The following HDAC9 variants were observed in gnomAD, a reference collection of about 807,000 sequenced individuals.
HDAC9 encodes histone deacetylase 9, also known as MEF-2 interacting transcription repressor (MITR) protein.
In HDAC9, 41 loss-of-function variants were observed where a neutral mutation model predicts 139.4. The ratio of observed to expected loss-of-function variants is 0.29; its 90% CI spans 0.23 to 0.38. HDAC9 has a LOEUF of 0.38. HDAC9 is among the 10% of genes least tolerant of loss of function. The pLI is 1.00. For missense variants in HDAC9, 1,147 were observed against 1,297.0 expected (o/e 0.88, Z 1.78); for synonymous variants, 517 against 476.2 (o/e 1.09, Z -1.12).
chr7:18,431,137 C>G (rs2128762574), intron 1 of HDAC9, among the ~76,000 whole-genome samples: 1 of 152,178 alleles, frequency 6.6e-6, no homozygotes, highest in Middle Eastern at 3.4e-3. Context: ...TGTGATGCAC[C>G]TACTGTTCCA....
chr7:18,451,453 G>GTA (rs1008433370), intron 1 of HDAC9, among the ~76,000 whole-genome samples: 15 of 148,236 alleles, frequency 1.0e-4, no homozygotes, highest in African/African-American at 2.8e-4. Context: ...GTGTGTATAT[G>GTA]TATATATATA....
At chr7:18,306,865 C>A (rs939463765) in intron 1 of HDAC9, among the ~76,000 whole-genome samples, 2 of 152,110 alleles carry the variant, frequency 1.3e-5, no homozygotes, top group African/African-American at 4.8e-5. Flanking sequence ...AAACACCCCC[C>A]ACTTACTTAA....
intron 15 of HDAC9, among the ~76,000 whole-genome samples, chr7:18,765,374 C>G (rs113575109): frequency 0.023 from 3,502 of 152,150 alleles, 144 homozygotes; most frequent in African/African-American, 0.08. Context: ...GTATTCCCAG[C>G]ACTTTGGGAG....
chr7:18,645,391 A>C (rs888543900), intron 9 of HDAC9, among the ~76,000 whole-genome samples: 12 of 152,174 alleles, frequency 7.9e-5, no homozygotes, highest in African/African-American at 2.7e-4. Flanking sequence ...AATTAGTTTA[A>C]AAGTCCTGAC....
At chr7:18,687,970 AAGGAGTG>A in intron 12 of HDAC9, among the ~76,000 whole-genome samples, 1 of 151,906 alleles carries the variant, frequency 6.6e-6, no homozygotes, top group South Asian at 2.1e-4. Flanking sequence ...GTAATGTGTG[AAGGAGTG>A]AGGTAGCTAT....
intron 1 of HDAC9, among the ~76,000 whole-genome samples, chr7:18,475,687 A>G (rs1229382514): frequency 6.6e-6 from 1 of 152,186 alleles, no homozygotes; most frequent in Non-Finnish European, 1.5e-5. Context: ...AAAACAGCTA[A>G]TTGCCTTAGT....
intron 3 of HDAC9, among the ~76,000 whole-genome samples, chr7:18,588,920 A>G (rs1256678860): frequency 1.3e-5 from 2 of 152,044 alleles, no homozygotes; most frequent in African/African-American, 4.8e-5. Flanking sequence ...AGCATTTAGG[A>G]TTTTGGATTT....
At chr7:18,668,507 A>G in intron 12 of HDAC9, 4 of 979,618 alleles carry the variant, frequency 4.1e-6, no homozygotes, top group South Asian at 4.7e-5. Context: ...GTATAATATT[A>G]CTTCAAAGAT....
At chr7:18,506,035 ATTAT>A (rs1799679520) in intron 2 of HDAC9, 1 of 152,192 alleles carries the variant, frequency 6.6e-6, no homozygotes, top group Non-Finnish European at 1.5e-5. Context: ...CACTGGAATG[ATTAT>A]TTATAGAAAG....
intron 1 of HDAC9, among the ~76,000 whole-genome samples, chr7:18,324,765 C>T (rs1800306952): frequency 2.0e-5 from 3 of 152,130 alleles, no homozygotes; most frequent in Admixed American, 1.3e-4. Flanking sequence ...CAAGAAATAG[C>T]TCTTGCCTTT....
At chr7:18,772,823 T>C (rs934802042) in intron 16 of HDAC9, among the ~76,000 whole-genome samples, 1 of 152,090 alleles carries the variant, frequency 6.6e-6, no homozygotes, top group Non-Finnish European at 1.5e-5. Flanking sequence ...CTGCAAATTC[T>C]GTAAAAAGAT....
chr7:18,126,381 T>TC (rs937904978), intron 1 of HDAC9, among the ~76,000 whole-genome samples: 2 of 152,166 alleles, frequency 1.3e-5, no homozygotes, highest in African/African-American at 4.8e-5. Context: ...TTTTTCTGAG[T>TC]CAGACAGGCA....
At chr7:18,119,811 C>T (rs759534295) in intron 1 of HDAC9, among the ~76,000 whole-genome samples, 4 of 152,126 alleles carry the variant, frequency 2.6e-5, no homozygotes, top group Non-Finnish European at 2.9e-5. Flanking sequence ...TAACTTTCTC[C>T]GTGAGTCAAA....
rs1291632888 is a variant in HDAC9, at chr7:19,001,328, TA to T, written c.*5267del. On this transcript the variant is annotated 3_prime_UTR_variant, in exon 26 of 26. Transcript: ENST00000686413. The stretch of plus-strand genomic sequence containing the variant: ...TTTTTAAAGCAAATTGGAATCGTTT[TA>T]TTTTTTTGTTTGGGCCTTAGGCACA... The T allele has an allele frequency of 2.0e-5, 3 of 152,150 alleles. No homozygotes were observed. Among genetic ancestry groups the T allele is most frequent in the East Asian group, 1.9e-4 (1 of 5,194 alleles). 9.4% of individuals were successfully genotyped at this position (152,150 alleles called of 1,614,324 possible).
chr7:18,228,203 A>G (rs772367590), intron 2 of HDAC9, among the ~76,000 whole-genome samples: 1 of 152,132 alleles, frequency 6.6e-6, no homozygotes, highest in Non-Finnish European at 1.5e-5. Flanking sequence ...GGGTTGTTTA[A>G]TACTCCAAGA....
chr7:18,531,422 A>G (rs1357952653), intron 2 of HDAC9, among the ~76,000 whole-genome samples: 1 of 152,190 alleles, frequency 6.6e-6, no homozygotes, highest in Non-Finnish European at 1.5e-5. Context: ...TGAATGATTT[A>G]TCTTAATTTA....
At chr7:18,467,262 G>A (rs1363388789) in intron 1 of HDAC9, among the ~76,000 whole-genome samples, 2 of 152,140 alleles carry the variant, frequency 1.3e-5, no homozygotes, top group Non-Finnish European at 2.9e-5. Context: ...TGGTAATCAT[G>A]TTTGATATTT....
At chr7:18,328,385 C>CA (rs1203896245) in intron 1 of HDAC9, among the ~76,000 whole-genome samples, 1 of 151,798 alleles carries the variant, frequency 6.6e-6, no homozygotes, top group Non-Finnish European at 1.5e-5. Flanking sequence ...TATGCAGGGA[C>CA]AGGCTTGCAT....
chr7:18,931,771 G>T (rs998932009), intron 22 of HDAC9, among the ~76,000 whole-genome samples: 6 of 152,110 alleles, frequency 3.9e-5, no homozygotes, highest in African/African-American at 1.4e-4. Flanking sequence ...AATACATCCT[G>T]AGAATTTATT....
Sources: gnomAD v4.1 joint callset for allele counts (sites outside exome capture counted in the v4.1 genomes callset) on GRCh38, gnomAD v4.1.1 for gene constraint, MANE v1.5 for transcripts, NCBI Gene and HGNC (gene_info 2026-07-23, HGNC 2026-07-21) for gene names.